DDX4: variants seen among roughly 807,000 people sequenced by gnomAD.
DDX4 encodes DEAD-box helicase 4.
Under a neutral mutation model 100.0 loss-of-function variants are expected in DDX4, and 25 were observed. That is an observed-to-expected ratio of 0.25 (90% confidence interval 0.18 to 0.35). The LOEUF (loss-of-function observed/expected upper bound fraction) is 0.35. Ranked by LOEUF, DDX4 falls within the 10% of genes least tolerant of loss-of-function variation. The pLI, the probability that DDX4 is intolerant of heterozygous loss-of-function variation, is 1.00. For missense variants in DDX4, 635 were observed against 882.4 expected (o/e 0.72, Z 3.55); for synonymous variants, 259 against 275.7 (o/e 0.94, Z 0.60).
At chr5:55,750,997 C>T (rs1428949115) in intron 3 of DDX4, among the ~76,000 whole-genome samples, 1 of 152,022 alleles carries the variant, frequency 6.6e-6, no homozygotes, top group Non-Finnish European at 1.5e-5. Context: ...ATTTATGGGC[C>T]AGAGTGAGAA....
chr5:55,780,992 T>G, intron 8 of DDX4, 74 bp from the exon 9 acceptor site: 1 of 1,368,494 alleles, frequency 7.3e-7, no homozygotes, highest in Non-Finnish European at 1.0e-6. Context: ...ATAACTTGAT[T>G]TTTTTCTGTT....
chr5:55,765,350 G>C (rs983669862), intron 6 of DDX4, among the ~76,000 whole-genome samples: 2 of 130,254 alleles, frequency 1.5e-5, no homozygotes, highest in African/African-American at 2.9e-5. Context: ...TGGCCTGCTT[G>C]CTTTGTTTTG....
At chr5:55,757,391 A>G (rs1477202970) in intron 3 of DDX4, among the ~76,000 whole-genome samples, 3 of 152,136 alleles carry the variant, frequency 2.0e-5, no homozygotes, top group African/African-American at 7.2e-5. Context: ...GAGTTAATTC[A>G]CTAAGAATAA....
At chr5:55,754,056 C>CT (rs1251675349) in intron 3 of DDX4, among the ~76,000 whole-genome samples, 2 of 140,896 alleles carry the variant, frequency 1.4e-5, no homozygotes, top group African/African-American at 5.3e-5. Flanking sequence ...TGCTTATCAG[C>CT]TTAAGGAGAT....
chr5:55,780,232 A>G (rs1328592960), intron 8 of DDX4, among the ~76,000 whole-genome samples, 167 bp downstream of exon 8: 1 of 152,186 alleles, frequency 6.6e-6, no homozygotes, highest in African/African-American at 2.4e-5. Context: ...TTTTTTAGAG[A>G]GATTTGATTG....
At chr5:55,773,170 C>T (rs1741355038) in intron 7 of DDX4, 1 of 152,596 alleles carries the variant, frequency 6.6e-6, no homozygotes, top group African/African-American at 2.4e-5. Flanking sequence ...ATGGTGTCTT[C>T]TCTCTGTGTC....
chr5:55,780,366 CCTT>C (rs1449721436), intron 8 of DDX4, among the ~76,000 whole-genome samples: 2 of 152,100 alleles, frequency 1.3e-5, no homozygotes, highest in East Asian at 1.9e-4. Context: ...AAACAGGTGA[CCTT>C]CTATGTGGCT....
intron 3 of DDX4, among the ~76,000 whole-genome samples, chr5:55,755,047 G>T (rs1759838351): frequency 6.6e-6 from 1 of 152,018 alleles, no homozygotes; most frequent in Non-Finnish European, 1.5e-5. Context: ...GAGAAATAGG[G>T]ATCCAATTTT....
chr5:55,765,864 G>A (rs1001969035), intron 6 of DDX4, among the ~76,000 whole-genome samples: 1 of 152,114 alleles, frequency 6.6e-6, no homozygotes, highest in African/African-American at 2.4e-5. Context: ...GAGTGCAGTG[G>A]TACAGTCTTG....
In DDX4 at chr5:55,813,855, A is replaced by G. The variant is rs532072168; in HGVS notation, c.1715+83A>G. ...AACATCAGTTTATATAACTAATATG[A>G]TATAATCCTAGGATTGGGATTCAGA... On this transcript the variant is annotated intron_variant, in intron 19 of 21. Transcript: ENST00000505374. The G allele has an allele frequency of 8.7e-6, 12 of 1,371,888 alleles. No homozygotes were observed. In the Admixed American group the frequency reaches 1.4e-4, roughly 16 times the overall value. The allele number at this position is 1,371,888 out of a possible 1,614,324, so 85.0% of individuals were successfully genotyped here. A position where few individuals can be genotyped will look rare whatever the true frequency, so the allele number is the denominator to read the frequency against.
chr5:55,763,918 G>A (rs949405698), intron 5 of DDX4, 96 bp from the exon 6 acceptor site: 11 of 820,104 alleles, frequency 1.3e-5, no homozygotes, highest in Middle Eastern at 2.7e-4. Context: ...ATTGTGTATC[G>A]CTTATCTTAG....
intron 8 of DDX4, among the ~76,000 whole-genome samples, chr5:55,780,421 C>T (rs1459975880): frequency 6.6e-6 from 1 of 152,130 alleles, no homozygotes; most frequent in Non-Finnish European, 1.5e-5. Flanking sequence ...TGGCTTTCTA[C>T]CTTAAATTTT....
At chr5:55,798,629 T>A (rs1743112065) in intron 18 of DDX4, 58 bp downstream of exon 18, 2 of 1,470,368 alleles carry the variant, frequency 1.4e-6, no homozygotes, top group East Asian at 4.7e-5. Context: ...ATGAATAATT[T>A]AAAAAATCAC....
At chr5:55,770,593 A>T (rs1741196752) in intron 7 of DDX4, among the ~76,000 whole-genome samples, 1 of 152,188 alleles carries the variant, frequency 6.6e-6, no homozygotes. Context: ...CTACATAGTA[A>T]TCAGATACAT....
intron 8 of DDX4, 90 bp from the exon 9 acceptor site, chr5:55,780,976 G>T: frequency 8.8e-7 from 1 of 1,142,584 alleles, no homozygotes; most frequent in Admixed American, 2.5e-5. Flanking sequence ...TTTAACTTCT[G>T]ATACCATAAC....
Position 55,786,532 on chromosome 5 carries a change from T to G in DDX4, c.879T>G (p.Ala293=), listed in dbSNP as rs751871163. The change falls in exon 14 of 22, where the codon GCT becomes GCG. Residue 293 remains alanine (A), a synonymous_variant. Coordinates refer to ENST00000505374, the MANE Select transcript of DDX4 (RefSeq NM_024415.3). ...TAAATTTTCAGACTTTTGAAGAAGC[T>G]AATCTCTGTCAGACACTGAATAACA... The part of the protein sequence containing the change: ...APPAILTFEE[A]NLCQTLNNNI... 6.2e-7 allele frequency: 1 copy of G among 1,612,338 alleles called. No homozygotes were observed. The highest frequency in any genetic ancestry group is 8.5e-7 in the Non-Finnish European group (1 of 1,178,848).
rs200278733 is a variant in DDX4, at chr5:55,746,217, A to G, written c.123A>G (p.Ser41=). The G allele has an allele frequency of 1.9e-6, 3 of 1,612,012 alleles. No homozygotes were observed. The highest frequency in any genetic ancestry group is 1.7e-6 in the Non-Finnish European group (2 of 1,179,218). The change falls in exon 3 of 22, where the codon TCA becomes TCG. Residue 41 remains serine (S), a synonymous_variant. Coordinates refer to ENST00000505374, the MANE Select transcript of DDX4 (RefSeq NM_024415.3). ...ATTTTAACAGGACTCCAGCTTCATC[A>G]TCAGGTATGTGTTATGGGAAAAAGG... The part of the protein sequence containing the change: ...GDNFNRTPAS[S]SEMDDGPSRR...
intron 4 of DDX4, among the ~76,000 whole-genome samples, chr5:55,761,011 C>G (rs1039909270): frequency 6.6e-6 from 1 of 152,098 alleles, no homozygotes; most frequent in Admixed American, 6.5e-5. Context: ...TTGAAAAACT[C>G]TATTGAGACT....
chr5:55,780,942 AT>A, intron 8 of DDX4, 123 bp from the exon 9 acceptor site: 1 of 712,284 alleles, frequency 1.4e-6, no homozygotes, highest in Non-Finnish European at 2.2e-6. Flanking sequence ...ATAGGACAGT[AT>A]TTTTCTATTT....
Sources: allele counts gnomAD v4.1 joint callset (sites outside exome capture counted in the v4.1 genomes callset), GRCh38; gene constraint gnomAD v4.1.1; transcripts MANE v1.5; gene names NCBI Gene and HGNC (gene_info 2026-07-23, HGNC 2026-07-21).